Variants in HAPLN2 observed in about 807,000 individuals in gnomAD.
HAPLN2 encodes brain link protein-1.
In HAPLN2, 27 loss-of-function variants were observed where a neutral mutation model predicts 29.3. The observed-to-expected ratio is 0.92, with a 90% CI of 0.68 to 1.27. The LOEUF is 1.27. Among genes scored for constraint, HAPLN2 ranks in the 50% most tolerant of loss-of-function variants. The pLI, the probability that HAPLN2 is intolerant of heterozygous loss-of-function variation, is 0.00. For synonymous variants in HAPLN2, 208 were observed against 211.7 expected, an observed-to-expected ratio of 0.98 and a Z score of 0.15; for missense variants, 454 against 484.3, an observed-to-expected ratio of 0.94 and a Z score of 0.59.
intron 2 of HAPLN2, among the ~76,000 whole-genome samples, chr1:156,620,872 T>C (rs1387965918): frequency 6.6e-6 from 1 of 152,226 alleles, no homozygotes; most frequent in East Asian, 1.9e-4. Context: ...ACAGCACTTA[T>C]TACATTCCAG....
upstream of HAPLN2, among the ~76,000 whole-genome samples, chr1:156,617,704 G>A (rs1678096079): frequency 1.4e-5 from 2 of 144,210 alleles, no homozygotes; most frequent in Non-Finnish European, 3.0e-5. Flanking sequence ...TTTTAATAAT[G>A]CAAAGCTACT....
chr1:156,604,493 T>G, the HAPLN2 span, among the ~76,000 whole-genome samples: 1 of 152,168 alleles, frequency 6.6e-6, no homozygotes, highest in Non-Finnish European at 1.5e-5. Flanking sequence ...TTTCACCATG[T>G]TGGCCAGGAT....
the HAPLN2 span, among the ~76,000 whole-genome samples, chr1:156,607,456 G>A: frequency 2.0e-5 from 3 of 152,022 alleles, no homozygotes; most frequent in African/African-American, 7.2e-5. Flanking sequence ...CTCCAGTCTG[G>A]GTGACAGAGC....
chr1:156,613,651 C>A, the HAPLN2 span, among the ~76,000 whole-genome samples: 1 of 152,056 alleles, frequency 6.6e-6, no homozygotes, highest in South Asian at 2.1e-4. Context: ...TGTGGTGGCT[C>A]ATGTCTGTAA....
the HAPLN2 span, among the ~76,000 whole-genome samples, chr1:156,611,350 A>C: frequency 4.1e-3 from 615 of 151,664 alleles, 12 homozygotes; most frequent in East Asian, 0.062. Context: ...AGATCCCTTG[A>C]GGTCAGGAGT....
chr1:156,624,830 T>C (rs764820103), intron 6 of HAPLN2, 47 bp downstream of exon 6: 3 of 1,446,630 alleles, frequency 2.1e-6, no homozygotes, highest in Non-Finnish European at 2.7e-6. Context: ...GTCTGAAAAA[T>C]GTGGGGGACG....
chr1:156,623,037 A>AAAAAAAATAAAT lies in HAPLN2; in HGVS notation c.-24-427_-24-426insAAAATAAATAAA, dbSNP rs551908025. ...CCATGGAGCAACACTCTGTCTCAAAAAAATAAATAAATAAATAAATAAATA... is the reference window on the plus strand; with the variant it reads ...CCATGGAGCAACACTCTGTCTCAAAAAAAAAAATAAATAAATAAATAAATAAATAAATAAATA... On this transcript the variant is annotated intron_variant, in intron 2 of 6. Coordinates refer to ENST00000255039, the MANE Select transcript of HAPLN2 (RefSeq NM_021817.3). 1.2e-4 allele frequency among the ~76,000 whole-genome samples: 13 copies of AAAAAAAATAAAT among 111,434 alleles called. 1 individual carries two copies. Among genetic ancestry groups the AAAAAAAATAAAT allele is most frequent in the Admixed American group, 4.1e-4 (4 of 9,694 alleles). The allele number at this position is 111,434 out of a possible 152,430, so 73.1% of individuals were successfully genotyped here. A position where few individuals can be genotyped will look rare whatever the true frequency, so the allele number is the denominator to read the frequency against.
At chr1:156,603,660 A>T in the HAPLN2 span, among the ~76,000 whole-genome samples, 1 of 152,160 alleles carries the variant, frequency 6.6e-6, no homozygotes, top group Non-Finnish European at 1.5e-5. Flanking sequence ...CCAAAACTTA[A>T]TGGCCATAAA....
the HAPLN2 span, among the ~76,000 whole-genome samples, chr1:156,604,206 T>G: frequency 6.6e-6 from 1 of 151,938 alleles, no homozygotes; most frequent in African/African-American, 2.4e-5. Context: ...AATCAAAATA[T>G]CTCACAACAG....
the HAPLN2 span, among the ~76,000 whole-genome samples, chr1:156,604,293 C>CTTTTTTTT: frequency 6.8e-6 from 1 of 147,014 alleles, no homozygotes; most frequent in South Asian, 2.1e-4. Flanking sequence ...TTGAAGAATT[C>CTTTTTTTT]TTTTTTTTTT....
At chr1:156,611,738 G>A in the HAPLN2 span, among the ~76,000 whole-genome samples, 2 of 152,152 alleles carry the variant, frequency 1.3e-5, no homozygotes, top group Admixed American at 6.6e-5. Flanking sequence ...TGCCTAAAAT[G>A]TATTGATTAC....
At chr1:156,623,312 C>T (rs1678314894) in intron 2 of HAPLN2, among the ~76,000 whole-genome samples, 155 bp from the exon 3 acceptor site, 1 of 152,114 alleles carries the variant, frequency 6.6e-6, no homozygotes, top group South Asian at 2.1e-4. Context: ...TTCCCCTCAT[C>T]ACCTTCATTT....
chr1:156,611,546 CAA>C, the HAPLN2 span, among the ~76,000 whole-genome samples: 1 of 152,062 alleles, frequency 6.6e-6, no homozygotes, highest in Non-Finnish European at 1.5e-5. Flanking sequence ...GCCTGGGCAA[CAA>C]GAGCGAAACT....
chr1:156,608,959 A>G, the HAPLN2 span, among the ~76,000 whole-genome samples: 8 of 152,348 alleles, frequency 5.3e-5, no homozygotes, highest in African/African-American at 1.9e-4. Context: ...GGCAGTATAG[A>G]AAACACCAAC....
At chr1:156,602,962 T>A in the HAPLN2 span, among the ~76,000 whole-genome samples, 2 of 152,124 alleles carry the variant, frequency 1.3e-5, no homozygotes, top group Non-Finnish European at 2.9e-5. Context: ...GAGAGCCTTG[T>A]CATAATTGCC....
At position 156,619,523 on chromosome 1, in the gene HAPLN2, C is replaced by T. The variant is rs1445194647; in HGVS notation, c.-178C>T. ...TGCAAAGGCAATGCGCACTCAGGCA[C>T]CAGAGGGCAGAGGTGAGTACTCTGT... On this transcript the variant is annotated 5_prime_UTR_variant, in exon 1 of 7. Transcript: ENST00000255039. The T allele has an allele frequency of 6.6e-6, 1 of 152,136 alleles. No individual in the cohort carries two copies. The highest frequency in any genetic ancestry group is 2.4e-5 in the African/African-American group (1 of 41,392). The allele number at this position is 152,136 out of a possible 1,614,324, so 9.4% of individuals were successfully genotyped here.
the HAPLN2 span, among the ~76,000 whole-genome samples, chr1:156,604,127 A>T: frequency 6.6e-6 from 1 of 152,218 alleles, no homozygotes; most frequent in African/African-American, 2.4e-5. Flanking sequence ...AAATGGCCTG[A>T]AATGCAGATA....
At chr1:156,605,082 A>G in the HAPLN2 span, among the ~76,000 whole-genome samples, 2 of 152,020 alleles carry the variant, frequency 1.3e-5, no homozygotes, top group South Asian at 4.1e-4. Context: ...CCTGGCCAAT[A>G]TGGTGAAACC....
intron 2 of HAPLN2, among the ~76,000 whole-genome samples, chr1:156,622,120 G>A (rs1449928699): frequency 6.6e-6 from 1 of 152,056 alleles, no homozygotes; most frequent in Non-Finnish European, 1.5e-5. Context: ...AATTCACACT[G>A]TTAAGTTTAG....
Sources: gnomAD v4.1 joint callset for allele counts (sites outside exome capture counted in the v4.1 genomes callset) on GRCh38, gnomAD v4.1.1 for gene constraint, MANE v1.5 for transcripts, NCBI Gene and HGNC (gene_info 2026-07-23, HGNC 2026-07-21) for gene names.